The following CDK14 variants were observed in gnomAD, a reference collection of about 807,000 sequenced individuals.
The protein encoded by CDK14 is cyclin dependent kinase 14, also known as cyclin-dependent kinase 14.
A neutral mutation model predicts 60.7 loss-of-function variants in CDK14; 34 were observed. The ratio of observed to expected loss-of-function variants is 0.56; its 90% confidence interval spans 0.43 to 0.75. CDK14 has a LOEUF of 0.75. Ranked by LOEUF, CDK14 falls within the 30% of genes least tolerant of loss-of-function variation. The pLI is 0.00. For missense variants in CDK14, 482 were observed against 564.1 expected (o/e 0.85, Z 1.47); for synonymous variants, 197 against 203.7 (o/e 0.97, Z 0.28).
intron 3 of CDK14, among the ~76,000 whole-genome samples, chr7:90,730,664 G>A (rs746219415): frequency 6.6e-6 from 1 of 152,074 alleles, no homozygotes; most frequent in Non-Finnish European, 1.5e-5. Context: ...TTTGAGAATT[G>A]TCTGTTCATA....
intron 14 of CDK14, among the ~76,000 whole-genome samples, chr7:91,133,864 G>A (rs752478551): frequency 2.2e-4 from 34 of 152,046 alleles, no homozygotes; most frequent in Non-Finnish European, 4.1e-4. Flanking sequence ...CAGATACTAC[G>A]CAAGCTAAGC....
At chr7:90,885,544 A>G (rs1791915121) in intron 6 of CDK14, among the ~76,000 whole-genome samples, 1 of 152,168 alleles carries the variant, frequency 6.6e-6, no homozygotes, top group African/African-American at 2.4e-5. Context: ...GTACCATTTG[A>G]CTCAGCAATC....
intron 3 of CDK14, among the ~76,000 whole-genome samples, chr7:90,738,506 C>T (rs994927500): frequency 5.3e-5 from 8 of 152,204 alleles, no homozygotes; most frequent in Non-Finnish European, 7.3e-5. Flanking sequence ...TGTTCCCCTC[C>T]GCTGGCCCAG....
intron 10 of CDK14, among the ~76,000 whole-genome samples, chr7:91,041,224 A>G (rs949135963): frequency 3.9e-5 from 6 of 152,036 alleles, no homozygotes; most frequent in Non-Finnish European, 2.9e-5. Flanking sequence ...AAATCACAGA[A>G]AAGACTTCTG....
Position 90,790,568 on chromosome 7 carries a change from C to G in CDK14, c.465-5C>G. On this transcript the variant is annotated splice_region_variant and splice_polypyrimidine_tract_variant and intron_variant, in intron 4 of 14. Transcript: ENST00000380050. ...ATGAATTCACTTATCTTTCATTTCT[C>G]ACAGGGTAAATGGGAAGTTGGTAGC... is the stretch of plus-strand genomic sequence containing the variant. The G allele has an allele frequency of 6.2e-7, 1 of 1,602,622 alleles. No individual in the cohort carries two copies. The highest frequency in any genetic ancestry group is 8.5e-7 in the Non-Finnish European group (1 of 1,172,076).
At chr7:90,980,983 A>G (rs1283286696) in intron 9 of CDK14, among the ~76,000 whole-genome samples, 1 of 152,172 alleles carries the variant, frequency 6.6e-6, no homozygotes, top group African/African-American at 2.4e-5. Context: ...TGTGTACATA[A>G]TGGGGGTGGC....
In CDK14 at chr7:90,596,341, C is replaced by T. The variant is rs1160332951; in HGVS notation, c.-287C>T. Among the ~76,000 whole-genome samples the T allele has an allele frequency of 1.3e-5, 2 of 150,108 alleles. No individual in the cohort carries two copies. The highest frequency in any genetic ancestry group is 4.9e-5 in the African/African-American group (2 of 41,138). On this transcript the variant is annotated 5_prime_UTR_variant, in exon 1 of 15. Transcript: ENST00000380050. Reference sequence around the variant, plus strand: ...CCGTTACAAAGGAGGGAAAATGAGCCGGGCGGCGGCGGCGCGGCGCGGGGC... The same window carrying T: ...CCGTTACAAAGGAGGGAAAATGAGCTGGGCGGCGGCGGCGCGGCGCGGGGC...
Position 91,112,676 on chromosome 7 carries a change from C to G in CDK14, c.1289C>G (p.Thr430Ser). The G allele has an allele frequency of 6.2e-7, 1 of 1,613,522 alleles. No homozygotes were observed. The highest frequency in any genetic ancestry group is 1.1e-5 in the South Asian group (1 of 91,056). ...CTGCCGCCACGGCTATGGGAACTCA[C>G]CGACAGTGAGTATGACAAATCCACA... ...SDLPPRLWEL[T>S]DMSSIFTVPN... The change falls in exon 13 of 15, where the codon ACC (threonine) becomes AGC (serine). Residue 430 changes from threonine (T) to serine (S), a missense_variant. By Grantham distance (58) the Thr-to-Ser change is moderately conservative. Transcript: ENST00000380050.
chr7:91,036,224 T>A (rs534551471), intron 10 of CDK14, among the ~76,000 whole-genome samples: 3 of 152,172 alleles, frequency 2.0e-5, no homozygotes, highest in Non-Finnish European at 4.4e-5. Context: ...GCTCATGTGG[T>A]TCTTGGCAAC....
intron 2 of CDK14, among the ~76,000 whole-genome samples, chr7:90,609,184 C>T (rs561940568): frequency 2.2e-4 from 33 of 152,226 alleles, no homozygotes; most frequent in Admixed American, 2.0e-3. Flanking sequence ...CCACCACCAC[C>T]TGGCTAATTT....
intron 9 of CDK14, 26 bp from the exon 10 acceptor site, chr7:90,984,122 G>C: frequency 6.8e-7 from 1 of 1,461,316 alleles, no homozygotes; most frequent in Non-Finnish European, 9.6e-7. Context: ...TTGAAGTTTT[G>C]TAACGATTCT....
intron 5 of CDK14, among the ~76,000 whole-genome samples, chr7:90,797,270 A>C (rs1354117971): frequency 6.6e-6 from 1 of 151,354 alleles, no homozygotes. Context: ...TGTGCCAGCC[A>C]CTCTCCTTAA....
At chr7:91,106,237 A>G (rs1019273701) in intron 12 of CDK14, among the ~76,000 whole-genome samples, 4 of 152,196 alleles carry the variant, frequency 2.6e-5, no homozygotes, top group Non-Finnish European at 2.9e-5. Flanking sequence ...AGAGGAAGAG[A>G]AGAGCACAAA....
intron 5 of CDK14, among the ~76,000 whole-genome samples, chr7:90,797,117 A>G (rs34494101): frequency 0.22 from 33,686 of 151,766 alleles, 4,350 homozygotes; most frequent in Middle Eastern, 0.3. Flanking sequence ...AGCCACCTCA[A>G]TTAGTTTGCT....
At chr7:91,124,517 C>G (rs77525119) in intron 14 of CDK14, among the ~76,000 whole-genome samples, 1 of 141,978 alleles carries the variant, frequency 7.0e-6, no homozygotes, top group Non-Finnish European at 1.5e-5. Context: ...TTTTTTTTTT[C>G]TCTGATTAAG....
chr7:90,685,197 G>T (rs1801407591), intron 2 of CDK14, among the ~76,000 whole-genome samples: 1 of 151,716 alleles, frequency 6.6e-6, no homozygotes, highest in Non-Finnish European at 1.5e-5. Flanking sequence ...TTGCTTTCTG[G>T]TTGTCTCAGT....
At chr7:90,961,389 T>C (rs1174699011) in intron 9 of CDK14, among the ~76,000 whole-genome samples, 1 of 152,154 alleles carries the variant, frequency 6.6e-6, no homozygotes, top group Non-Finnish European at 1.5e-5. Context: ...AATCCCTGGA[T>C]TGAATACATT....
chr7:91,138,786 G>A (rs1800359462), intron 14 of CDK14, among the ~76,000 whole-genome samples: 1 of 151,844 alleles, frequency 6.6e-6, no homozygotes, highest in Non-Finnish European at 1.5e-5. Flanking sequence ...TTATAAAATG[G>A]GAGATTGTAA....
intron 11 of CDK14, among the ~76,000 whole-genome samples, chr7:91,054,389 T>A (rs895336169): frequency 2.0e-5 from 3 of 152,200 alleles, no homozygotes; most frequent in African/African-American, 7.2e-5. Flanking sequence ...CCACCCACCA[T>A]CAGCTATCAC....
Sources: gnomAD v4.1 joint callset for allele counts (sites outside exome capture counted in the v4.1 genomes callset) on GRCh38, gnomAD v4.1.1 for gene constraint, MANE v1.5 for transcripts, NCBI Gene and HGNC (gene_info 2026-07-23, HGNC 2026-07-21) for gene names.